The following TBX2 variants were observed in gnomAD, a reference collection of about 807,000 sequenced individuals.
The protein encoded by TBX2 is T-box transcription factor 2, also known as T-box transcription factor TBX2.
TBX2 carries 19 observed loss-of-function variants against 48.4 expected under a neutral mutation model. The ratio of observed to expected loss-of-function variants is 0.39; its 90% CI spans 0.27 to 0.58. The LOEUF is 0.58. Among genes scored for constraint, TBX2 ranks in the 20% least tolerant of loss-of-function variants. The pLI, the probability that TBX2 is intolerant of heterozygous loss-of-function variation, is 0.54. For synonymous variants in TBX2, 522 were observed against 459.7 expected (o/e 1.14, Z -1.73); for missense variants, 994 against 1,006.5 (o/e 0.99, Z 0.17).
chr17:61,400,409 C>G lies in TBX2; in HGVS notation c.233C>G (p.Ser78Trp). Residue 78 changes from serine to tryptophan, a missense_variant, in exon 1 of 7, where the codon TCG becomes TGG. Ser to Trp is a radical substitution (Grantham distance 177). Around this residue, in one of 5 missense-constraint regions of TBX2, gnomAD observed 165 missense variants for 136.8 expected, o/e 1.21. Transcript: ENST00000240328. This position sits in a 1 kb window ranked among gnomAD's most constrained non-coding sequence, Gnocchi z 9.2. The part of the protein sequence containing the change: ...AAAAEAGLHV[S>W]ALGPHPPAAH... ...GCGGCCGAGGCGGGGCTGCACGTCTCGGCACTGGGCCCGCACCCGCCCGCC... is the reference window on the plus strand; with the variant it reads ...GCGGCCGAGGCGGGGCTGCACGTCTGGGCACTGGGCCCGCACCCGCCCGCC... The G allele has an allele frequency of 2.0e-6, 3 of 1,522,134 alleles. No individual in the cohort carries two copies. Among genetic ancestry groups the G allele is most frequent in the Non-Finnish European group, 8.8e-7 (1 of 1,136,176 alleles). The allele number at this position is 1,522,134 out of a possible 1,614,324, so 94.3% of individuals were successfully genotyped here.
chr17:61,405,824 G>C lies in TBX2; in HGVS notation c.1674G>C (p.Met558Ile). ...TCCCGTTCCACCTCTCCCAGCACATGCTGGCATCTCAGGTAAGGCCTGTGA... is the reference window on the plus strand; with the variant it reads ...TCCCGTTCCACCTCTCCCAGCACATCCTGGCATCTCAGGTAAGGCCTGTGA... Reference protein sequence around the residue: ...APFPFHLSQHMLASQGIPMPT... With the variant: ...APFPFHLSQHILASQGIPMPT... The change falls in exon 6 of 7, where the codon ATG becomes ATC. Residue 558 changes from methionine to isoleucine, a missense_variant. Transcript: ENST00000240328. The C allele has an allele frequency of 7.6e-7, 1 of 1,319,600 alleles. No individual in the cohort carries two copies. The highest frequency in any genetic ancestry group is 2.9e-5 in the East Asian group (1 of 34,158). 81.7% of individuals were successfully genotyped at this position (1,319,600 alleles called of 1,614,324 possible).
chr17:61,403,273 G>T lies in TBX2; in HGVS notation c.810+66G>T. On this transcript the variant is annotated intron_variant, in intron 3 of 6. Transcript: ENST00000240328. This position sits in a 1 kb window ranked among gnomAD's most constrained non-coding sequence, Gnocchi z 5.8. ...CCCCTCAACACGTGCAGGCCCAACCGTCCGTTCATCGCCCCTCGAAGCCCC... is the reference window on the plus strand; with the variant it reads ...CCCCTCAACACGTGCAGGCCCAACCTTCCGTTCATCGCCCCTCGAAGCCCC... 1 of 1,577,750 alleles carries T rather than the reference G, an allele frequency of 6.3e-7. No homozygotes were observed. Among genetic ancestry groups the T allele is most frequent in the African/African-American group, 1.4e-5 (1 of 73,574 alleles).
rs141022651 is a variant in TBX2, at chr17:61,406,393, G to A, written c.1686+557G>A. 1 of 152,234 alleles carries A rather than the reference G, an allele frequency of 6.6e-6. No individual in the cohort carries two copies. Among genetic ancestry groups the A allele is most frequent in the East Asian group, 1.9e-4 (1 of 5,186 alleles). The allele number at this position is 152,234 out of a possible 1,614,324, so 9.4% of individuals were successfully genotyped here. ...GTCCTCTGTCCTGGTGAAGGACAAG[G>A]CTGGTCTTTCCCCTACCTTGAGTTC... On this transcript the variant is annotated intron_variant, in intron 6 of 6. Transcript: ENST00000240328. This position sits in a 1 kb window ranked among gnomAD's most constrained non-coding sequence, Gnocchi z 5.7.
chr17:61,400,637 G>T lies in TBX2; in HGVS notation c.395+66G>T. 1 of 1,490,860 alleles carries T rather than the reference G, an allele frequency of 6.7e-7. No homozygotes were observed. The allele number at this position is 1,490,860 out of a possible 1,614,324, so 92.4% of individuals were successfully genotyped here. ...GCGGGCTGGGGCACGGGACTGCACG[G>T]ATCAGAGCAGAGCTGGGGACTCCCG... On this transcript the variant is annotated intron_variant, in intron 1 of 6. Coordinates refer to ENST00000240328, the MANE Select transcript of TBX2 (RefSeq NM_005994.4). This position sits in a 1 kb window ranked among gnomAD's most constrained non-coding sequence, Gnocchi z 9.2.
At chr17:61,402,757 G>A (rs1366971918) in intron 2 of TBX2, among the ~76,000 whole-genome samples, 1 of 151,360 alleles carries the variant, frequency 6.6e-6, no homozygotes, top group African/African-American at 2.4e-5. Flanking sequence ...TTTGTTTTTT[G>A]TTTTGTTTTG....
At chr17:61,407,919 T>G in intron 6 of TBX2, 135 bp from the exon 7 acceptor site, 1 of 1,149,520 alleles carries the variant, frequency 8.7e-7, no homozygotes, top group Non-Finnish European at 1.2e-6. Flanking sequence ...GTGCTGCCTG[T>G]GGTTATAGTT....
At position 61,405,254 on chromosome 17, in the gene TBX2, C is replaced by T. The variant is rs993758387; in HGVS notation, c.1104C>T (p.Ser368=). The change falls in exon 6 of 7, where the codon AGC becomes AGT. Residue 368 remains serine, a synonymous_variant. Transcript: ENST00000240328. The part of the protein sequence containing the change: ...ADSDPEPERL[S]EERAGAPLGR... ...GCGACCCGGAGCCTGAGCGGTTGAG[C>T]GAGGAGCGTGCGGGGGCGCCGCTAG... The T allele has an allele frequency of 2.5e-6, 4 of 1,573,314 alleles. No homozygotes were observed. Among genetic ancestry groups the T allele is most frequent in the Admixed American group, 3.5e-5 (2 of 56,514 alleles).
intron 2 of TBX2, 81 bp downstream of exon 2, chr17:61,402,032 G>A: frequency 6.6e-7 from 1 of 1,511,376 alleles, no homozygotes; most frequent in South Asian, 1.3e-5. Flanking sequence ...AGGGCGGCAG[G>A]ATCTCCCAGG....
At position 61,404,784 on chromosome 17, in the gene TBX2, G is replaced by A. The variant is rs749885486; in HGVS notation, c.1051+15G>A. On this transcript the variant is annotated intron_variant, in intron 5 of 6. Transcript: ENST00000240328. ...CCGGGCCCGAGGTGAGGGTCGGACC[G>A]GAGGAGGGACAGGGAGGTGGCGGCG... is the stretch of plus-strand genomic sequence containing the variant. 3.3e-6 allele frequency: 5 copies of A among 1,536,586 alleles called. No homozygotes were observed. The highest frequency in any genetic ancestry group is 2.4e-5 in the South Asian group (2 of 84,298).
In TBX2 at chr17:61,403,565, C is replaced by A. The variant is rs1470259784; in HGVS notation, c.810+358C>A. Among the ~76,000 whole-genome samples, 3 of 152,012 alleles carry A rather than the reference C, an allele frequency of 2.0e-5. No individual in the cohort carries two copies. Among genetic ancestry groups the A allele is most frequent in the Admixed American group, 1.3e-4 (2 of 15,254 alleles). ...AATGAGAATGTAAGTGAAGAGAGGG[C>A]GCCCGAGGCAATCTGCCCAGGCTCT... On this transcript the variant is annotated intron_variant, in intron 3 of 6. Coordinates refer to ENST00000240328, the MANE Select transcript of TBX2 (RefSeq NM_005994.4). The surrounding 1 kb of genome is among the most constrained non-coding windows in gnomAD (Gnocchi z 5.8).
chr17:61,407,326 A>G (rs1349642004), intron 6 of TBX2: 1 of 152,150 alleles, frequency 6.6e-6, no homozygotes, highest in African/African-American at 2.4e-5. Context: ...CCTCCTCCCC[A>G]TACCCACTAG....
At position 61,400,613 on chromosome 17, in the gene TBX2, C is replaced by T; in HGVS notation, c.395+42C>T. 1 of 578,932 alleles carries T rather than the reference C, an allele frequency of 1.7e-6. No individual in the cohort carries two copies. The allele number at this position is 578,932 out of a possible 1,614,324, so 35.9% of individuals were successfully genotyped here. ...GCTGGAAGGCGCGCGGGCGGGCGGG[C>T]GGGCTGGGGCACGGGACTGCACGGA... On this transcript the variant is annotated intron_variant, in intron 1 of 6. Transcript: ENST00000240328. This position sits in a 1 kb window ranked among gnomAD's most constrained non-coding sequence, Gnocchi z 9.2.
chr17:61,407,980 G>A (rs1135714), intron 6 of TBX2, 74 bp from the exon 7 acceptor site: 2 of 1,491,944 alleles, frequency 1.3e-6, no homozygotes, highest in South Asian at 1.3e-5. Context: ...GGTGTCCAGG[G>A]GATAGCACCC....
In TBX2 at chr17:61,405,467, G is replaced by A; in HGVS notation, c.1317G>A (p.Ala439=). The change falls in exon 6 of 7, where the codon GCG becomes GCA. Residue 439 remains alanine, a synonymous_variant. Coordinates refer to ENST00000240328, the MANE Select transcript of TBX2 (RefSeq NM_005994.4). ...ARRKDEGRKE[A]AEGKEQGLAP... ...GGAAGGACGAGGGGCGCAAGGAGGC[G>A]GCCGAGGGCAAGGAGCAGGGCCTGG... The A allele has an allele frequency of 6.3e-7, 1 of 1,577,388 alleles. No homozygotes were observed. The highest frequency in any genetic ancestry group is 8.6e-7 in the Non-Finnish European group (1 of 1,165,332).
intron 5 of TBX2, 84 bp from the exon 6 acceptor site, chr17:61,405,118 G>A (rs2060282514): frequency 6.7e-7 from 1 of 1,492,660 alleles, no homozygotes; most frequent in East Asian, 2.5e-5. Flanking sequence ...CGGCCTCCCC[G>A]AGAGCAGCCC....
At position 61,408,369 on chromosome 17, in the gene TBX2, G is replaced by C. The variant is rs2060297344; in HGVS notation, c.2002G>C (p.Gly668Arg). Residue 668 changes from glycine to arginine, a missense_variant, in exon 7 of 7, where the codon GGG (glycine) becomes CGG (arginine). Gly to Arg is a moderately radical substitution (Grantham distance 125, BLOSUM62 -2). Transcript: ENST00000240328. ...GCCCGAGCTGGCTCTCCGCAAAGTA[G>C]GGGCCCCATCCCGCGGTGCCCTGTC... ...PLPELALRKV[G>R]APSRGALSPS... 2 of 1,579,184 alleles carry C rather than the reference G, an allele frequency of 1.3e-6. No individual in the cohort carries two copies. Among genetic ancestry groups the C allele is most frequent in the East Asian group, 4.7e-5 (2 of 42,190 alleles).
chr17:61,405,235 C>T lies in TBX2; in HGVS notation c.1085C>T (p.Pro362Leu). 1.9e-6 allele frequency: 3 copies of T among 1,567,480 alleles called. No individual in the cohort carries two copies. The highest frequency in any genetic ancestry group is 2.6e-6 in the Non-Finnish European group (3 of 1,165,112). Residue 362 changes from proline to leucine, a missense_variant, in exon 6 of 7, where the codon CCG becomes CTG. Transcript: ENST00000240328. Reference protein sequence around the residue: ...EEKSCAADSDPEPERLSEERA... With the variant: ...EEKSCAADSDLEPERLSEERA... The stretch of plus-strand genomic sequence containing the variant: ...AAGTCGTGCGCCGCGGACAGCGACC[C>T]GGAGCCTGAGCGGTTGAGCGAGGAG...
chr17:61,404,655 C>T lies in TBX2; in HGVS notation c.937C>T (p.Pro313Ser). The change falls in exon 5 of 7, where the codon CCC becomes TCC. Residue 313 changes from proline (P) to serine (S), a missense_variant. Coordinates refer to ENST00000240328, the MANE Select transcript of TBX2 (RefSeq NM_005994.4). ...ACGCTTGTACGAGGAGCACTGCAAA[C>T]CCGAGCGCGATGGCGCGGAGTCAGA... ...SLRLYEEHCK[P>S]ERDGAESDAS... is the part of the protein sequence containing the mutation. The T allele has an allele frequency of 6.3e-7, 1 of 1,589,944 alleles. No individual in the cohort carries two copies. The highest frequency in any genetic ancestry group is 8.6e-7 in the Non-Finnish European group (1 of 1,168,544).
At chr17:61,404,065 AGTCTCTGTTC>A (rs1426360764) in intron 3 of TBX2, among the ~76,000 whole-genome samples, 3 of 152,192 alleles carry the variant, frequency 2.0e-5, no homozygotes, top group Non-Finnish European at 4.4e-5. Flanking sequence ...TGTGAACTGC[AGTCTCTGTTC>A]GCGCCTGCTC....
Sources: allele counts gnomAD v4.1 joint callset (sites outside exome capture counted in the v4.1 genomes callset), GRCh38; gene constraint gnomAD v4.1.1; regional missense constraint gnomAD v4.1.1; non-coding constraint Gnocchi (gnomAD v3.1); transcripts MANE v1.5; gene names NCBI Gene and HGNC (gene_info 2026-07-23, HGNC 2026-07-21).